Variants in NUB1 observed in about 807,000 individuals in gnomAD.
NUB1 encodes NEDD8 ultimate buster 1.
A neutral mutation model predicts 77.1 loss-of-function variants in NUB1; 41 were observed. The observed-to-expected ratio is 0.53, with a 90% CI of 0.41 to 0.69. The LOEUF (loss-of-function observed/expected upper bound fraction) is 0.69, where lower values mean the gene tolerates loss of function less well. Among genes scored for constraint, NUB1 ranks in the 30% least tolerant of loss-of-function variants. NUB1 has a pLI of 0.00. For synonymous variants in NUB1, 257 were observed against 281.0 expected, an observed-to-expected ratio of 0.91 and a Z score of 0.85; for missense variants, 643 against 743.8, an observed-to-expected ratio of 0.86 and a Z score of 1.58.
rs778206388 is a variant in NUB1 at position 151,349,233 on chromosome 7, T to TA, written c.285dup (p.Asp96ArgfsTer2). On this transcript the variant is annotated frameshift_variant, in exon 3 of 15. Coordinates refer to ENST00000568733, the MANE Select transcript of NUB1 (RefSeq NM_001243351.2). LOFTEE classifies it high-confidence loss of function. The stretch of plus-strand genomic sequence containing the variant: ...ATCGAGGTGTTTTTACCACCAAGAC[T>TA]AAAAAAAGTGAGTAATTTCCCTAAA... 1 of 1,603,614 alleles carries TA rather than the reference T, an allele frequency of 6.2e-7. No homozygotes were observed. Among genetic ancestry groups the TA allele is most frequent in the Non-Finnish European group, 8.5e-7 (1 of 1,176,396 alleles).
At chr7:151,374,438 T>C (rs1417855040) in intron 12 of NUB1, 195 bp downstream of exon 12, 2 of 714,712 alleles carry the variant, frequency 2.8e-6, no homozygotes, top group Non-Finnish European at 4.7e-6. Context: ...CCATGCTCAG[T>C]GCTTGGCCCA....
At chr7:151,359,526 C>G (rs1797267731) in intron 7 of NUB1, among the ~76,000 whole-genome samples, 1 of 152,106 alleles carries the variant, frequency 6.6e-6, no homozygotes, top group Non-Finnish European at 1.5e-5. Context: ...CGCCTGTAAT[C>G]CCAGCATTTT....
intron 11 of NUB1, among the ~76,000 whole-genome samples, chr7:151,373,378 A>G (rs1375794416): frequency 6.6e-6 from 1 of 152,210 alleles, no homozygotes; most frequent in Non-Finnish European, 1.5e-5. Context: ...TAGTTTACAA[A>G]ATAAATTGGG....
intron 11 of NUB1, among the ~76,000 whole-genome samples, chr7:151,373,726 T>C (rs1319850217): frequency 6.6e-6 from 1 of 152,176 alleles, no homozygotes; most frequent in East Asian, 1.9e-4. Flanking sequence ...TCCTACCCGG[T>C]TCCTACCTGG....
At position 151,360,254 on chromosome 7, in the gene NUB1, G is replaced by A. The variant is rs750025708; in HGVS notation, c.800+7G>A. On this transcript the variant is annotated splice_region_variant and intron_variant, in intron 8 of 14. Coordinates refer to ENST00000568733, the MANE Select transcript of NUB1 (RefSeq NM_001243351.2). ...ACGCTGACAAATATTTCTGGTAGGC[G>A]CTTTTGTACTTGGTGAACACCAGCT... 16 of 1,509,276 alleles carry A rather than the reference G, an allele frequency of 1.1e-5. No individual in the cohort carries two copies. Among genetic ancestry groups the A allele is most frequent in the East Asian group, 2.3e-5 (1 of 44,386 alleles). 93.5% of individuals were successfully genotyped at this position (1,509,276 alleles called of 1,614,324 possible). A position where few individuals can be genotyped will look rare whatever the true frequency, so the allele number is the denominator to read the frequency against.
At chr7:151,356,296 A>T in intron 7 of NUB1, 74 bp downstream of exon 7, 1 of 1,055,520 alleles carries the variant, frequency 9.5e-7, no homozygotes, top group South Asian at 1.3e-5. Context: ...TAGTTGCTTT[A>T]TGTTGGAAGT....
chr7:151,376,682 G>T lies in NUB1; in HGVS notation c.1540G>T (p.Val514Leu), dbSNP rs1479198581. The T allele has an allele frequency of 6.2e-7, 1 of 1,611,348 alleles. No homozygotes were observed. The change falls in exon 14 of 15, where the codon GTG becomes TTG. Residue 514 changes from valine to leucine, a missense_variant. Transcript: ENST00000568733. Reference sequence around the variant, plus strand: ...ACTCGTGGCCGAAGCTGCGCTGAGAGTGTTCAGAGGCAACGTCCAGCTGGC... The same window carrying T: ...ACTCGTGGCCGAAGCTGCGCTGAGATTGTTCAGAGGCAACGTCCAGCTGGC... The part of the protein sequence containing the change: ...DALVAEAALR[V>L]FRGNVQLAAQ...
chr7:151,352,723 G>A (rs546831579), intron 4 of NUB1, 89 bp from the exon 5 acceptor site: 10 of 806,710 alleles, frequency 1.2e-5, no homozygotes, highest in African/African-American at 6.9e-5. Flanking sequence ...GATTACAGGC[G>A]TGAGCCACCG....
chr7:151,350,386 A>C lies in NUB1; in HGVS notation c.286-1038A>C, dbSNP rs2150669255. 3.3e-5 allele frequency among the ~76,000 whole-genome samples: 5 copies of C among 152,188 alleles called. No individual in the cohort carries two copies. The South Asian group carries it at 1.0e-3, about 32-fold the overall frequency. On this transcript the variant is annotated intron_variant, in intron 3 of 14. Transcript: ENST00000568733. ...CTAAGTAACAGGTGCCTTCCCAGGC[A>C]CTGGCGCTACCGCTAGACCAAGGTC...
intron 1 of NUB1, among the ~76,000 whole-genome samples, 197 bp from the exon 2 acceptor site, chr7:151,345,151 G>A (rs2150659601): frequency 1.3e-5 from 2 of 151,676 alleles, no homozygotes; most frequent in East Asian, 3.9e-4. Flanking sequence ...TTTTATATAT[G>A]TAATATATAT....
At chr7:151,367,713 C>A (rs1797760216) in intron 9 of NUB1, 148 bp from the exon 10 acceptor site, 1 of 582,386 alleles carries the variant, frequency 1.7e-6, no homozygotes, top group Non-Finnish European at 3.0e-6. Context: ...GGGGGCTTCA[C>A]TTTTGCCGTC....
intron 7 of NUB1, 89 bp from the exon 8 acceptor site, chr7:151,360,052 C>G (rs1797296239): frequency 3.5e-6 from 2 of 572,300 alleles, no homozygotes; most frequent in Non-Finnish European, 6.0e-6. Flanking sequence ...ATTTTTTTTA[C>G]TTTGTTTTTT....
At chr7:151,351,916 A>AACACAC (rs1204427761) in intron 4 of NUB1, among the ~76,000 whole-genome samples, 24,142 of 150,994 alleles carry the variant, frequency 0.16, 2,193 homozygotes, top group Non-Finnish European at 0.21. Flanking sequence ...CCATCTGTAA[A>AACACAC]ACACACACAC....
Position 151,374,139 on chromosome 7 carries a change from C to A in NUB1, c.1291C>A (p.Arg431Ser). Residue 431 changes from arginine to serine, a missense_variant, in exon 12 of 15, where the codon CGC (arginine) becomes AGC (serine). Transcript: ENST00000568733. Reference sequence around the variant, plus strand: ...GAAGGAGGAAAAAGAGAAGAAAAGACGCCGCCTCGAGAACATCAGGTTTCT... The same window carrying A: ...GAAGGAGGAAAAAGAGAAGAAAAGAAGCCGCCTCGAGAACATCAGGTTTCT... ...IRKEEKEKKR[R>S]RLENIRFLKG... 1 of 1,572,292 alleles carries A rather than the reference C, an allele frequency of 6.4e-7. No homozygotes were observed. Among genetic ancestry groups the A allele is most frequent in the Non-Finnish European group, 8.6e-7 (1 of 1,159,396 alleles).
At chr7:151,370,946 T>C (rs1005090592) in intron 11 of NUB1, among the ~76,000 whole-genome samples, 1 of 152,180 alleles carries the variant, frequency 6.6e-6, no homozygotes, top group Non-Finnish European at 1.5e-5. Flanking sequence ...ACTCATGTCA[T>C]TCACTTCTGC....
intron 1 of NUB1, among the ~76,000 whole-genome samples, chr7:151,344,233 G>C (rs1796366657): frequency 7.1e-6 from 1 of 141,472 alleles, no homozygotes; most frequent in Non-Finnish European, 1.5e-5. Context: ...CTGTTAGGCT[G>C]TTAATCAGAA....
At chr7:151,374,339 C>A in intron 12 of NUB1, 96 bp downstream of exon 12, 1 of 1,421,024 alleles carries the variant, frequency 7.0e-7, no homozygotes, top group Non-Finnish European at 9.6e-7. Context: ...CGGGCTCACT[C>A]CTATGGGCTG....
intron 2 of NUB1, 143 bp downstream of exon 2, chr7:151,345,609 G>A: frequency 2.0e-6 from 1 of 510,864 alleles, no homozygotes; most frequent in Non-Finnish European, 3.5e-6. Flanking sequence ...TTTTTACTAG[G>A]AACTGACAAC....
intron 3 of NUB1, among the ~76,000 whole-genome samples, chr7:151,350,533 C>G (rs1395785056): frequency 6.6e-6 from 1 of 152,252 alleles, no homozygotes; most frequent in Non-Finnish European, 1.5e-5. Flanking sequence ...CTCACTGTGT[C>G]CCTTCAGCTC....
Sources: gnomAD v4.1 joint callset for allele counts (sites outside exome capture counted in the v4.1 genomes callset) on GRCh38, gnomAD v4.1.1 for gene constraint, MANE v1.5 for transcripts, NCBI Gene and HGNC (gene_info 2026-07-23, HGNC 2026-07-21) for gene names.